Variants in ZBTB40 observed in about 807,000 individuals in gnomAD.
ZBTB40 encodes zinc finger and BTB domain-containing protein 40.
Under a neutral mutation model 117.5 loss-of-function variants are expected in ZBTB40, and 60 were observed. The observed-to-expected ratio is 0.51, with a 90% CI of 0.41 to 0.63. The LOEUF (loss-of-function observed/expected upper bound fraction) is 0.63, where lower values mean the gene tolerates loss of function less well. Ranked by LOEUF, ZBTB40 falls within the 30% of genes least tolerant of loss-of-function variation. The pLI, the probability that ZBTB40 is intolerant of heterozygous loss-of-function variation, is 0.00. For missense variants in ZBTB40, 1,287 were observed against 1,498.5 expected (o/e 0.86, Z 2.33); for synonymous variants, 525 against 577.1 (o/e 0.91, Z 1.29).
chr1:22,430,414 C>T (rs1344080528), intron 1 of ZBTB40, among the ~76,000 whole-genome samples: 1 of 152,142 alleles, frequency 6.6e-6, no homozygotes, highest in East Asian at 1.9e-4. Flanking sequence ...CATAGCAAGA[C>T]CCTGTCTTTA....
Position 22,493,694 on chromosome 1 carries a change from C to T in ZBTB40, c.831+2161C>T, listed in dbSNP as rs558044726. 2.6e-5 allele frequency among the ~76,000 whole-genome samples: 4 copies of T among 151,924 alleles called. No homozygotes were observed. The South Asian group carries it at 6.2e-4, about 24-fold the overall frequency. Reference sequence around the variant, plus strand: ...CACTGGTCTGCTTTCGGTCACTGTACGTAAGTTTGTATTTTCTAGAGTATT... The same window carrying T: ...CACTGGTCTGCTTTCGGTCACTGTATGTAAGTTTGTATTTTCTAGAGTATT... On this transcript the variant is annotated intron_variant, in intron 3 of 17. Transcript: ENST00000375647.
At chr1:22,430,929 T>C (rs1446113725) in intron 1 of ZBTB40, among the ~76,000 whole-genome samples, 1 of 152,180 alleles carries the variant, frequency 6.6e-6, no homozygotes, top group African/African-American at 2.4e-5. Context: ...AATTTATTAA[T>C]TCTTTTGTAG....
intron 15 of ZBTB40, among the ~76,000 whole-genome samples, chr1:22,522,120 C>A (rs750388762): frequency 3.3e-5 from 5 of 152,206 alleles, no homozygotes; most frequent in Non-Finnish European, 7.3e-5. Context: ...GTGCAAGACA[C>A]CATGCTAAGC....
At chr1:22,498,689 T>C (rs1042325585) in intron 3 of ZBTB40, among the ~76,000 whole-genome samples, 1 of 152,046 alleles carries the variant, frequency 6.6e-6, no homozygotes, top group Non-Finnish European at 1.5e-5. Context: ...GATGCCACCA[T>C]TGACGAAAGC....
At chr1:22,463,057 C>T (rs897475911) in intron 1 of ZBTB40, among the ~76,000 whole-genome samples, 3 of 152,230 alleles carry the variant, frequency 2.0e-5, no homozygotes, top group Admixed American at 6.5e-5. Flanking sequence ...CTCATTTACA[C>T]GTAGTAGCTC....
At chr1:22,457,237 A>G (rs963069575) in intron 1 of ZBTB40, among the ~76,000 whole-genome samples, 2 of 152,176 alleles carry the variant, frequency 1.3e-5, no homozygotes, top group African/African-American at 4.8e-5. Flanking sequence ...CCCTCTCTTT[A>G]TCTCTGTGAA....
At position 22,526,276 on chromosome 1, in the gene ZBTB40, G is replaced by A. The variant is rs749898660; in HGVS notation, c.3600G>A (p.Ser1200=). The stretch of plus-strand genomic sequence containing the variant: ...TGGAGGAGACCCAGCTTGCCGGGTC[G>A]CAGGTGTTTGTGACGTTGCCAGATT... The part of the protein sequence containing the change: ...ITLEETQLAG[S]QVFVTLPDSQ... Residue 1200 remains serine (S), a synonymous_variant, in exon 18 of 18, where the codon TCG becomes TCA. Transcript: ENST00000375647. 6.2e-6 allele frequency: 10 copies of A among 1,614,064 alleles called. No homozygotes were observed. The highest frequency in any genetic ancestry group is 1.7e-5 in the Admixed American group (1 of 60,004).
intron 1 of ZBTB40, among the ~76,000 whole-genome samples, chr1:22,460,804 G>A (rs1273972036): frequency 6.6e-6 from 1 of 152,168 alleles, no homozygotes; most frequent in Non-Finnish European, 1.5e-5. Context: ...AGAGAGTCAA[G>A]ACCCACTCTT....
chr1:22,481,556 C>G (rs1252107879), intron 1 of ZBTB40, among the ~76,000 whole-genome samples: 1 of 152,026 alleles, frequency 6.6e-6, no homozygotes, highest in Non-Finnish European at 1.5e-5. Flanking sequence ...GCTCTGACCA[C>G]ATAATGCTTG....
chr1:22,508,577 T>G lies in ZBTB40; in HGVS notation c.1545T>G (p.Asn515Lys). Residue 515 changes from asparagine to lysine, a missense_variant, in exon 8 of 18, where the codon AAT becomes AAG. Coordinates refer to ENST00000375647, the MANE Select transcript of ZBTB40 (RefSeq NM_014870.4). ...VKRDSGSGGF[N>K]SLISAVLEKQ... is the part of the protein sequence containing the mutation. ...GTGACTCTGGTTCAGGTGGTTTCAA[T>G]TCTCTGATATCAGCAGTTCTAGAAA... is the stretch of plus-strand genomic sequence containing the variant. 6.2e-7 allele frequency: 1 copy of G among 1,614,218 alleles called. No individual in the cohort carries two copies. The highest frequency in any genetic ancestry group is 8.5e-7 in the Non-Finnish European group (1 of 1,180,026).
Position 22,461,056 on chromosome 1 carries a change from C to T in ZBTB40, c.-70+9052C>T, listed in dbSNP as rs113022345. On this transcript the variant is annotated intron_variant, in intron 1 of 17. Coordinates refer to ENST00000375647, the MANE Select transcript of ZBTB40 (RefSeq NM_014870.4). ...GAATACTTACCTCCTAGTATGATGT[C>T]GTGAACATAGTGGGAACCAATATAT... is the stretch of plus-strand genomic sequence containing the variant. Among the ~76,000 whole-genome samples the T allele has an allele frequency of 9.3e-4, 142 of 152,274 alleles. 1 individual carries two copies. The highest frequency in any genetic ancestry group is 3.3e-3 in the African/African-American group (136 of 41,558).
rs564819563 is a variant in ZBTB40 at position 22,510,030 on chromosome 1, A to G, written c.1833+797A>G. Reference sequence around the variant, plus strand: ...CATAGATAAAACAAAGCTTTTGCCCATATTGGGTAGCAAATAGTGCCAGCT... The same window carrying G: ...CATAGATAAAACAAAGCTTTTGCCCGTATTGGGTAGCAAATAGTGCCAGCT... On this transcript the variant is annotated intron_variant, in intron 9 of 17. Coordinates refer to ENST00000375647, the MANE Select transcript of ZBTB40 (RefSeq NM_014870.4). 3.9e-5 allele frequency among the ~76,000 whole-genome samples: 6 copies of G among 152,346 alleles called. No homozygotes were observed. In the South Asian group the frequency reaches 6.2e-4, roughly 16 times the overall value.
intron 1 of ZBTB40, among the ~76,000 whole-genome samples, chr1:22,453,689 AACTC>A (rs1310814200): frequency 6.6e-6 from 1 of 152,218 alleles, no homozygotes; most frequent in South Asian, 2.1e-4. Context: ...AGAGGAAACA[AACTC>A]ACGTCGGAGA....
rs149541189 is a variant in ZBTB40, at chr1:22,471,656, G to A, written c.-69-18224G>A. Among the ~76,000 whole-genome samples the A allele has an allele frequency of 4.2e-3, 634 of 152,312 alleles. 4 individuals carry two copies. Among genetic ancestry groups the A allele is most frequent in the African/African-American group, 0.014 (600 of 41,562 alleles). On this transcript the variant is annotated intron_variant, in intron 1 of 17. Transcript: ENST00000375647. ...AGGCATTTGAGAGCCTCAGGGATAT[G>A]GAAAAGGGCAGAGACCAGTGGATTG...
chr1:22,436,233 C>T (rs142597386), intron 1 of ZBTB40, among the ~76,000 whole-genome samples: 13 of 152,234 alleles, frequency 8.5e-5, no homozygotes, highest in African/African-American at 1.4e-4. Flanking sequence ...ATACTCATGC[C>T]GGACGCGGTG....
intron 1 of ZBTB40, among the ~76,000 whole-genome samples, chr1:22,480,996 G>A (rs1638292393): frequency 6.6e-6 from 1 of 152,120 alleles, no homozygotes; most frequent in South Asian, 2.1e-4. Flanking sequence ...GTCTCCATGT[G>A]AGTATTAATG....
chr1:22,522,769 A>AT (rs762726688), intron 16 of ZBTB40, among the ~76,000 whole-genome samples: 10,072 of 124,670 alleles, frequency 0.081, 623 homozygotes, highest in African/African-American at 0.16. Flanking sequence ...TACCATTTTT[A>AT]TTTTTTTTTT....
Position 22,526,486 on chromosome 1 carries a change from G to C in ZBTB40, c.*90G>C. On this transcript the variant is annotated 3_prime_UTR_variant, in exon 18 of 18. Transcript: ENST00000375647. ...TTTGCCCTCCATCCCTGGCTGTCCT[G>C]AGTGGTGAGCATCTTAGCTTAGCAC... 6.5e-7 allele frequency: 1 copy of C among 1,536,304 alleles called. No individual in the cohort carries two copies. The highest frequency in any genetic ancestry group is 8.9e-7 in the Non-Finnish European group (1 of 1,118,668).
chr1:22,496,080 A>G (rs1638766277), intron 3 of ZBTB40, among the ~76,000 whole-genome samples: 1 of 152,266 alleles, frequency 6.6e-6, no homozygotes, highest in Non-Finnish European at 1.5e-5. Flanking sequence ...GATCGAGAAC[A>G]GCATGGAGCT....
Sources: gnomAD v4.1 joint callset for allele counts (sites outside exome capture counted in the v4.1 genomes callset) on GRCh38, gnomAD v4.1.1 for gene constraint, MANE v1.5 for transcripts, NCBI Gene and HGNC (gene_info 2026-07-23, HGNC 2026-07-21) for gene names.